Variants in PLCB4 observed in about 807,000 individuals in gnomAD.
PLCB4 encodes the protein phospholipase C beta 4.
A neutral mutation model predicts 178.8 loss-of-function variants in PLCB4; 77 were observed. The ratio of observed to expected loss-of-function variants is 0.43; its 90% CI spans 0.36 to 0.52. The LOEUF (loss-of-function observed/expected upper bound fraction) is 0.52, where lower values mean the gene tolerates loss of function less well. Ranked by LOEUF, PLCB4 falls within the 20% of genes least tolerant of loss-of-function variation. The pLI, the probability that PLCB4 is intolerant of heterozygous loss-of-function variation, is 0.00. For synonymous variants in PLCB4, 496 were observed against 490.8 expected (o/e 1.01, Z -0.14); for missense variants, 1,024 against 1,453.4 (o/e 0.70, Z 4.80).
intron 38 of PLCB4, among the ~76,000 whole-genome samples, chr20:9,476,381 C>T (rs998109910): frequency 1.3e-5 from 2 of 152,178 alleles, no homozygotes; most frequent in East Asian, 1.9e-4. Flanking sequence ...GTCACACACT[C>T]GAGTCTCAAA....
chr20:9,433,254 G>C (rs1316284862), intron 28 of PLCB4, among the ~76,000 whole-genome samples: 1 of 152,170 alleles, frequency 6.6e-6, no homozygotes, highest in African/African-American at 2.4e-5. Context: ...TGCATATAAA[G>C]TCACAGCACC....
At chr20:9,431,519 G>A (rs1457061903) in intron 28 of PLCB4, among the ~76,000 whole-genome samples, 1 of 151,906 alleles carries the variant, frequency 6.6e-6, no homozygotes, top group African/African-American at 2.4e-5. Flanking sequence ...AGGCTGCAGT[G>A]CAGTGGCATG....
chr20:9,348,281 A>G (rs2034007650), intron 7 of PLCB4, among the ~76,000 whole-genome samples: 1 of 152,204 alleles, frequency 6.6e-6, no homozygotes, highest in Non-Finnish European at 1.5e-5. Context: ...CAGTTACACA[A>G]GAAGGAAAGA....
chr20:9,117,208 T>C (rs2091809719), intron 2 of PLCB4, among the ~76,000 whole-genome samples: 1 of 152,244 alleles, frequency 6.6e-6, no homozygotes. Flanking sequence ...GGGAAGTTCC[T>C]GATAGCTTCT....
At chr20:9,409,249 C>T (rs779822917) in intron 24 of PLCB4, 68 bp downstream of exon 24, 40 of 1,355,190 alleles carry the variant, frequency 3.0e-5, no homozygotes, top group Non-Finnish European at 4.0e-5. Context: ...CCAGCACTTC[C>T]CATCAGTTGG....
intron 39 of PLCB4, among the ~76,000 whole-genome samples, 154 bp downstream of exon 39, chr20:9,476,907 G>A (rs757848675): frequency 2.0e-5 from 3 of 152,096 alleles, no homozygotes; most frequent in Non-Finnish European, 4.4e-5. Flanking sequence ...TTGGATTTCT[G>A]ATGTCATATT....
At chr20:9,121,016 C>T (rs2091948612) in intron 2 of PLCB4, among the ~76,000 whole-genome samples, 1 of 152,162 alleles carries the variant, frequency 6.6e-6, no homozygotes, top group Non-Finnish European at 1.5e-5. Context: ...CTCACCACAC[C>T]CCTCACCGGG....
chr20:9,339,850 C>T (rs2032971400), intron 7 of PLCB4, among the ~76,000 whole-genome samples: 1 of 152,082 alleles, frequency 6.6e-6, no homozygotes, highest in South Asian at 2.1e-4. Context: ...CATACCATTG[C>T]CCTGGCAAGT....
At chr20:9,276,075 T>A (rs79671037) in intron 3 of PLCB4, among the ~76,000 whole-genome samples, 4,775 of 152,114 alleles carry the variant, frequency 0.031, 221 homozygotes, top group African/African-American at 0.1. Context: ...ATGTGTCACC[T>A]AGGTAGGCTA....
chr20:9,246,343 C>T (rs1188945717), intron 3 of PLCB4, among the ~76,000 whole-genome samples: 1 of 152,098 alleles, frequency 6.6e-6, no homozygotes, highest in Non-Finnish European at 1.5e-5. Flanking sequence ...ACTTTTGCAC[C>T]AACCTAATAG....
chr20:9,112,075 G>C (rs76293366), intron 2 of PLCB4, among the ~76,000 whole-genome samples: 1 of 151,960 alleles, frequency 6.6e-6, no homozygotes, highest in Non-Finnish European at 1.5e-5. Flanking sequence ...CCCTTTACCT[G>C]TGCTTTACTT....
intron 2 of PLCB4, among the ~76,000 whole-genome samples, chr20:9,203,481 T>C (rs2093575688): frequency 6.6e-6 from 1 of 152,220 alleles, no homozygotes; most frequent in African/African-American, 2.4e-5. Context: ...TATGCTACTA[T>C]TCTTAGTTTA....
At chr20:9,414,413 G>A (rs962976406) in intron 25 of PLCB4, among the ~76,000 whole-genome samples, 2 of 152,176 alleles carry the variant, frequency 1.3e-5, no homozygotes, top group African/African-American at 2.4e-5. Context: ...ACTGGTGCTC[G>A]GGCACTGCAT....
chr20:9,295,458 T>A (rs1368046235), intron 3 of PLCB4, among the ~76,000 whole-genome samples: 1 of 152,156 alleles, frequency 6.6e-6, no homozygotes, highest in African/African-American at 2.4e-5. Flanking sequence ...AACTTTTATA[T>A]TCTTTAGGGC....
rs187128999 is a variant in PLCB4 at position 9,129,189 on chromosome 20, A to G, written c.-79+32847A>G. Reference sequence around the variant, plus strand: ...TTGGTACTTAGCATTTTTATGCCCAATTTCCAACTGCCTGCATCTGTGTCT... The same window carrying G: ...TTGGTACTTAGCATTTTTATGCCCAGTTTCCAACTGCCTGCATCTGTGTCT... On this transcript the variant is annotated intron_variant, in intron 2 of 39. Coordinates refer to ENST00000378473, the MANE Select transcript of PLCB4 (RefSeq NM_001377142.1). Among the ~76,000 whole-genome samples, 21 of 152,150 alleles carry G rather than the reference A, an allele frequency of 1.4e-4. No homozygotes were observed. In the East Asian group the frequency reaches 3.9e-3, roughly 28 times the overall value.
At chr20:9,329,593 G>A (rs1374890224) in intron 4 of PLCB4, among the ~76,000 whole-genome samples, 1 of 152,138 alleles carries the variant, frequency 6.6e-6, no homozygotes, top group African/African-American at 2.4e-5. Context: ...CTGGTGGAAG[G>A]GGGAAAGGTC....
intron 2 of PLCB4, among the ~76,000 whole-genome samples, chr20:9,203,385 C>T (rs1385181968): frequency 6.6e-6 from 1 of 152,128 alleles, no homozygotes; most frequent in Admixed American, 6.5e-5. Flanking sequence ...AGCTTCCTAC[C>T]AGCAGGTTAG....
chr20:9,438,395 A>C, intron 30 of PLCB4, among the ~76,000 whole-genome samples: 1 of 151,808 alleles, frequency 6.6e-6, no homozygotes, highest in African/African-American at 2.4e-5. Flanking sequence ...AAAGAAAGAA[A>C]TAAGTTGGCA....
At chr20:9,252,253 C>T (rs1299447464) in intron 3 of PLCB4, among the ~76,000 whole-genome samples, 1 of 152,186 alleles carries the variant, frequency 6.6e-6, no homozygotes. Flanking sequence ...ATATGAGACA[C>T]TGCAAGTATA....
Sources: gnomAD v4.1 joint callset for allele counts (sites outside exome capture counted in the v4.1 genomes callset) on GRCh38, gnomAD v4.1.1 for gene constraint, MANE v1.5 for transcripts, NCBI Gene and HGNC (gene_info 2026-07-23, HGNC 2026-07-21) for gene names.